DNAI4: variants seen among roughly 807,000 people sequenced by gnomAD.
DNAI4 encodes the protein WD repeat domain 78.
In DNAI4, 85 loss-of-function variants were observed where a neutral mutation model predicts 105.8. That is an observed-to-expected ratio of 0.80 (90% CI 0.67 to 0.96). The LOEUF (loss-of-function observed/expected upper bound fraction) is 0.96. DNAI4 is among the 40% of genes least tolerant of loss of function. The pLI is 0.00. For missense variants in DNAI4, 1,014 were observed against 1,005.6 expected, an observed-to-expected ratio of 1.01 and a Z score of -0.11; for synonymous variants, 352 against 331.5, an observed-to-expected ratio of 1.06 and a Z score of -0.67.
intron 7 of DNAI4, chr1:66,848,183 G>T (rs1646317863): frequency 2.0e-5 from 9 of 456,190 alleles, no homozygotes; most frequent in South Asian, 1.4e-4. Context: ...TTTTAAAGGA[G>T]AATTTGTTTC....
intron 4 of DNAI4, among the ~76,000 whole-genome samples, chr1:66,883,202 G>GTTTTTT (rs1647117706): frequency 3.0e-5 from 1 of 33,636 alleles, no homozygotes; most frequent in African/African-American, 1.1e-4. Flanking sequence ...TTTTTTTTTT[G>GTTTTTT]TAGATTCTTA....
chr1:66,905,918 CTTTTTTTTT>C (rs34206774), intron 1 of DNAI4, among the ~76,000 whole-genome samples: 1 of 96,406 alleles, frequency 1.0e-5, no homozygotes, highest in Non-Finnish European at 1.9e-5. Flanking sequence ...TTATATACTA[CTTTTTTTTT>C]TTTTTTTTTT....
chr1:66,873,039 T>C (rs138587253), intron 5 of DNAI4, among the ~76,000 whole-genome samples: 37 of 152,214 alleles, frequency 2.4e-4, no homozygotes, highest in Admixed American at 2.0e-3. Context: ...TTAATCATGT[T>C]TTAACTCTGT....
chr1:66,885,591 T>C (rs1177243389), intron 4 of DNAI4, among the ~76,000 whole-genome samples: 1 of 152,116 alleles, frequency 6.6e-6, no homozygotes, highest in African/African-American at 2.4e-5. Context: ...TGATGACTCA[T>C]GCCTATAATA....
intron 13 of DNAI4, among the ~76,000 whole-genome samples, chr1:66,832,007 G>T (rs1258014021): frequency 6.6e-6 from 1 of 152,064 alleles, no homozygotes; most frequent in African/African-American, 2.4e-5. Context: ...AGGATATTTA[G>T]CAACATCTCT....
At chr1:66,847,730 T>A in intron 7 of DNAI4, 52 bp from the exon 8 acceptor site, 1 of 1,357,978 alleles carries the variant, frequency 7.4e-7, no homozygotes, top group Admixed American at 2.4e-5. Flanking sequence ...GGATGGTTCA[T>A]ACATTCTAAA....
intron 13 of DNAI4, among the ~76,000 whole-genome samples, chr1:66,831,178 G>T (rs1432801362): frequency 1.3e-5 from 2 of 151,850 alleles, no homozygotes; most frequent in Non-Finnish European, 2.9e-5. Context: ...TGATTTTGTA[G>T]TTAAAAATTA....
At chr1:66,922,388 G>C (rs575980392) in intron 1 of DNAI4, among the ~76,000 whole-genome samples, 1 of 152,274 alleles carries the variant, frequency 6.6e-6, no homozygotes, top group East Asian at 1.9e-4. Context: ...CCAAAAAACT[G>C]CATATGCACA....
chr1:66,840,770 C>A, intron 8 of DNAI4, 99 bp from the exon 9 acceptor site: 1 of 1,250,342 alleles, frequency 8.0e-7, no homozygotes, highest in Non-Finnish European at 1.1e-6. Context: ...ACACTTCAAG[C>A]ACCATCAGAT....
intron 7 of DNAI4, among the ~76,000 whole-genome samples, chr1:66,857,005 A>G (rs139784276): frequency 6.6e-6 from 1 of 152,090 alleles, no homozygotes; most frequent in African/African-American, 2.4e-5. Context: ...AAAACAAAAC[A>G]TCATTAGAGA....
rs909084782 is a variant in DNAI4, at chr1:66,867,492, AT to A, written c.940+3877del. Among the ~76,000 whole-genome samples, 112 of 148,596 alleles carry A rather than the reference AT, an allele frequency of 7.5e-4. 1 individual carries two copies. Among genetic ancestry groups the A allele is most frequent in the Admixed American group, 3.5e-3 (52 of 14,918 alleles). On this transcript the variant is annotated intron_variant, in intron 6 of 16. Coordinates refer to ENST00000371026, the MANE Select transcript of DNAI4 (RefSeq NM_024763.5). ...TTGTTTTTCTTCTCTACTTCTTGGA[AT>A]TTTTTTTTTGTTATCTTCCAAACAT...
chr1:66,900,502 G>T (rs1031444234), intron 2 of DNAI4, among the ~76,000 whole-genome samples: 1 of 152,110 alleles, frequency 6.6e-6, no homozygotes, highest in South Asian at 2.1e-4. Context: ...GGAGTATAAC[G>T]ATCTTAACAA....
intron 6 of DNAI4, among the ~76,000 whole-genome samples, chr1:66,867,717 A>T (rs1201837966): frequency 6.6e-6 from 1 of 152,104 alleles, no homozygotes; most frequent in Non-Finnish European, 1.5e-5. Context: ...GATATTCCTG[A>T]GGTAGCTAAG....
intron 4 of DNAI4, among the ~76,000 whole-genome samples, chr1:66,875,281 G>T (rs573414496): frequency 2.0e-5 from 3 of 152,250 alleles, no homozygotes; most frequent in African/African-American, 7.2e-5. Context: ...AGTATATTTA[G>T]GGGGCATAAT....
At chr1:66,829,937 G>C (rs1336500016) in intron 13 of DNAI4, among the ~76,000 whole-genome samples, 1 of 151,998 alleles carries the variant, frequency 6.6e-6, no homozygotes, top group Non-Finnish European at 1.5e-5. Flanking sequence ...CCAAATATCT[G>C]GAAACTAAAT....
intron 4 of DNAI4, among the ~76,000 whole-genome samples, chr1:66,886,120 T>A (rs1220131195): frequency 2.0e-5 from 3 of 152,190 alleles, no homozygotes; most frequent in Non-Finnish European, 4.4e-5. Context: ...CCCTGTGAAG[T>A]CAATGGGGCT....
intron 11 of DNAI4, 54 bp from the exon 12 acceptor site, chr1:66,834,202 G>A: frequency 2.1e-6 from 3 of 1,422,958 alleles, no homozygotes; most frequent in Non-Finnish European, 2.8e-6. Flanking sequence ...ATTTCTTAAA[G>A]GCCTTGGAGT....
At chr1:66,912,971 C>G (rs564105927) in intron 1 of DNAI4, among the ~76,000 whole-genome samples, 1 of 152,072 alleles carries the variant, frequency 6.6e-6, no homozygotes, top group East Asian at 1.9e-4. Flanking sequence ...GTACAACTCC[C>G]TTTTTTTTGG....
chr1:66,827,321 G>T (rs1372986163), intron 14 of DNAI4, among the ~76,000 whole-genome samples: 1 of 151,920 alleles, frequency 6.6e-6, no homozygotes, highest in Non-Finnish European at 1.5e-5. Flanking sequence ...AAAGAAATGA[G>T]GGAGAAAATG....
Sources: gnomAD v4.1 joint callset for allele counts (sites outside exome capture counted in the v4.1 genomes callset) on GRCh38, gnomAD v4.1.1 for gene constraint, MANE v1.5 for transcripts, NCBI Gene and HGNC (gene_info 2026-07-23, HGNC 2026-07-21) for gene names.